The following CCNB2 variants were observed in gnomAD, a reference collection of about 807,000 sequenced individuals.
CCNB2 encodes the protein cyclin B2.
Under a neutral mutation model 51.1 loss-of-function variants are expected in CCNB2, and 39 were observed. The ratio of observed to expected loss-of-function variants is 0.76; its 90% CI spans 0.59 to 1.00. The LOEUF is 1.00. CCNB2 is among the 50% of genes least tolerant of loss of function. The probability of loss-of-function intolerance (pLI) is 0.00; values close to 1 mark genes in which losing one functional copy is unlikely to be tolerated. For missense variants in CCNB2, 472 were observed against 470.3 expected (o/e 1.00, Z -0.03); for synonymous variants, 174 against 165.5 (o/e 1.05, Z -0.40).
At chr15:59,121,208 G>A (rs1473034598) in intron 7 of CCNB2, 1 of 152,148 alleles carries the variant, frequency 6.6e-6, no homozygotes, top group African/African-American at 2.4e-5. Context: ...AGTATACACA[G>A]AGAGGGAGAG....
intron 1 of CCNB2, among the ~76,000 whole-genome samples, chr15:59,106,539 C>T (rs1332709636): frequency 1.3e-5 from 2 of 152,076 alleles, no homozygotes; most frequent in African/African-American, 2.4e-5. Flanking sequence ...ATGTTTATCA[C>T]TTCTATAATA....
intron 7 of CCNB2, among the ~76,000 whole-genome samples, chr15:59,120,656 T>C (rs1331064080): frequency 2.0e-5 from 3 of 151,134 alleles, no homozygotes; most frequent in Non-Finnish European, 4.4e-5. Context: ...AGTAGAATGA[T>C]AGAGTTAGAA....
In CCNB2 at chr15:59,108,123, T is replaced by G. The variant is rs573419745; in HGVS notation, c.267+453T>G. Among the ~76,000 whole-genome samples the G allele has an allele frequency of 5.9e-5, 9 of 152,246 alleles. No individual in the cohort carries two copies. The South Asian group carries it at 1.9e-3, about 32-fold the overall frequency. On this transcript the variant is annotated intron_variant, in intron 3 of 8. Transcript: ENST00000288207. ...GAGATTTTTAGGGGTAGAGAGAAGA[T>G]GATAGCTGACAGGAAAGGGCACGTT...
chr15:59,118,630 G>A (rs2079288983), intron 7 of CCNB2, among the ~76,000 whole-genome samples: 1 of 152,248 alleles, frequency 6.6e-6, no homozygotes, highest in Admixed American at 6.5e-5. Flanking sequence ...GTTGCTTTGA[G>A]CCAAGATCGT....
At chr15:59,112,851 G>A (rs921981944) in intron 3 of CCNB2, among the ~76,000 whole-genome samples, 9 of 151,356 alleles carry the variant, frequency 5.9e-5, no homozygotes, top group South Asian at 2.1e-4. Context: ...TGGCTAACAC[G>A]GTGAAACCCC....
Position 59,123,564 on chromosome 15 carries a change from G to A in CCNB2, c.1023G>A (p.Leu341=), listed in dbSNP as rs1566958441. 1 of 1,613,588 alleles carries A rather than the reference G, an allele frequency of 6.2e-7. No individual in the cohort carries two copies. Among genetic ancestry groups the A allele is most frequent in the South Asian group, 1.1e-5 (1 of 91,044 alleles). The part of the protein sequence containing the change: ...YYTGYTENEV[L]EVMQHMAKNV... ...CAGGATACACAGAGAATGAAGTATTGGAAGTCATGCAGCACATGGCCAAGA... is the reference window on the plus strand; with the variant it reads ...CAGGATACACAGAGAATGAAGTATTAGAAGTCATGCAGCACATGGCCAAGA... Residue 341 remains leucine (L), a synonymous_variant, in exon 8 of 9, where the codon TTG becomes TTA. Transcript: ENST00000288207.
intron 3 of CCNB2, 78 bp from the exon 4 acceptor site, chr15:59,114,366 T>A: frequency 9.4e-7 from 1 of 1,058,766 alleles, no homozygotes; most frequent in Non-Finnish European, 1.4e-6. Context: ...GCGTATGATA[T>A]TGATATTTAA....
At chr15:59,108,490 C>T (rs1439720135) in intron 3 of CCNB2, among the ~76,000 whole-genome samples, 1 of 152,152 alleles carries the variant, frequency 6.6e-6, no homozygotes, top group Admixed American at 6.5e-5. Flanking sequence ...ACACCAGTAT[C>T]AATAGTGGGT....
intron 3 of CCNB2, among the ~76,000 whole-genome samples, chr15:59,112,001 G>A (rs1444000355): frequency 6.6e-6 from 1 of 151,784 alleles, no homozygotes; most frequent in African/African-American, 2.4e-5. Context: ...ACAAGTGTGC[G>A]CCACCATGCC....
At position 59,124,925 on chromosome 15, in the gene CCNB2, A is replaced by G; in HGVS notation, c.*48A>G. The G allele has an allele frequency of 8.5e-7, 1 of 1,171,978 alleles. No individual in the cohort carries two copies. 72.6% of individuals were successfully genotyped at this position (1,171,978 alleles called of 1,614,324 possible). ...TGTGCTTCATTGTGCCCTTTTTCTT[A>G]TTGGTTTAGAACTCTTGATTTTGTA... On this transcript the variant is annotated 3_prime_UTR_variant, in exon 9 of 9. Coordinates refer to ENST00000288207, the MANE Select transcript of CCNB2 (RefSeq NM_004701.4).
intron 5 of CCNB2, 62 bp downstream of exon 5, chr15:59,114,938 G>A: frequency 1.3e-6 from 2 of 1,507,258 alleles, no homozygotes; most frequent in South Asian, 2.6e-5. Flanking sequence ...TATGCTTGGG[G>A]GATAGAAAAC....
chr15:59,117,811 T>C (rs1011949189), intron 7 of CCNB2, among the ~76,000 whole-genome samples: 2 of 152,106 alleles, frequency 1.3e-5, no homozygotes, highest in African/African-American at 4.8e-5. Flanking sequence ...GGAAAACTAC[T>C]TGGAGAGGGG....
chr15:59,124,379 C>G, intron 8 of CCNB2: 1 of 222,750 alleles, frequency 4.5e-6, no homozygotes, highest in South Asian at 5.9e-5. Context: ...AGTTGCCACC[C>G]TCTTTTATTG....
At chr15:59,124,436 A>G (rs2079316618) in intron 8 of CCNB2, 3 of 295,746 alleles carry the variant, frequency 1.0e-5, no homozygotes, top group Admixed American at 4.9e-5. Context: ...GGCCTGGTGA[A>G]CCTGTTATGT....
At chr15:59,123,385 C>G (rs140059216) in intron 7 of CCNB2, 132 bp from the exon 8 acceptor site, 151 of 607,070 alleles carry the variant, frequency 2.5e-4, no homozygotes, top group Non-Finnish European at 3.7e-4. Context: ...ATTGAATTTC[C>G]AGAAGGTAAG....
At chr15:59,117,123 G>C (rs2079282439) in intron 6 of CCNB2, 105 bp from the exon 7 acceptor site, 1 of 1,197,274 alleles carries the variant, frequency 8.4e-7, no homozygotes, top group Non-Finnish European at 1.2e-6. Context: ...TTCTTGAGAA[G>C]GATAAGTGAG....
At chr15:59,112,140 C>T (rs2079260112) in intron 3 of CCNB2, among the ~76,000 whole-genome samples, 1 of 152,124 alleles carries the variant, frequency 6.6e-6, no homozygotes, top group Admixed American at 6.5e-5. Flanking sequence ...GTGTGAGCCA[C>T]CGCACTTGGC....
chr15:59,105,599 T>A (rs2079232551), intron 1 of CCNB2, among the ~76,000 whole-genome samples: 1 of 152,210 alleles, frequency 6.6e-6, no homozygotes, highest in African/African-American at 2.4e-5. Context: ...CAGCGAGCGA[T>A]CCCCGAGTGC....
intron 3 of CCNB2, among the ~76,000 whole-genome samples, chr15:59,111,040 G>A (rs893199564): frequency 6.6e-6 from 1 of 152,220 alleles, no homozygotes; most frequent in Non-Finnish European, 1.5e-5. Context: ...GAGAGGTACT[G>A]AGGAGTCATA....
Sources: gnomAD v4.1 joint callset for allele counts (sites outside exome capture counted in the v4.1 genomes callset) on GRCh38, gnomAD v4.1.1 for gene constraint, MANE v1.5 for transcripts, NCBI Gene and HGNC (gene_info 2026-07-23, HGNC 2026-07-21) for gene names.